Variants in CUX2 observed in about 807,000 individuals in gnomAD.
CUX2 encodes the protein cut like homeobox 2.
In CUX2, 40 loss-of-function variants were observed where a neutral mutation model predicts 144.8. That is an observed-to-expected ratio of 0.28 (90% CI 0.21 to 0.36). CUX2 has a LOEUF of 0.36. Among genes scored for constraint, CUX2 ranks in the 10% least tolerant of loss-of-function variants. The pLI, the probability that CUX2 is intolerant of heterozygous loss-of-function variation, is 1.00. For synonymous variants in CUX2, 827 were observed against 875.6 expected (o/e 0.94, Z 0.98); for missense variants, 1,615 against 1,994.0 (o/e 0.81, Z 3.62).
chr12:111,219,672 G>C (rs898347298), intron 3 of CUX2, among the ~76,000 whole-genome samples: 2 of 152,196 alleles, frequency 1.3e-5, no homozygotes, highest in African/African-American at 4.8e-5. Flanking sequence ...ATCTAATGCA[G>C]GGAAAGGGTT....
intron 18 of CUX2, among the ~76,000 whole-genome samples, chr12:111,329,394 T>C (rs764777663): frequency 6.6e-5 from 10 of 151,996 alleles, no homozygotes; most frequent in Non-Finnish European, 1.0e-4. Flanking sequence ...ACAGTCTTCC[T>C]GATAGAGATA....
intron 18 of CUX2, among the ~76,000 whole-genome samples, chr12:111,330,438 T>A (rs1888034036): frequency 1.3e-5 from 2 of 151,838 alleles, no homozygotes; most frequent in Admixed American, 1.3e-4. Flanking sequence ...TGCTGTGTGA[T>A]CTTGGACACG....
At chr12:111,060,453 C>G (rs1870717444) in intron 1 of CUX2, among the ~76,000 whole-genome samples, 1 of 152,242 alleles carries the variant, frequency 6.6e-6, no homozygotes, top group Non-Finnish European at 1.5e-5. Flanking sequence ...AGGGGGCTCC[C>G]CCATAATAAT....
At chr12:111,158,848 G>C (rs964575774) in intron 1 of CUX2, among the ~76,000 whole-genome samples, 17 of 152,230 alleles carry the variant, frequency 1.1e-4, no homozygotes, top group African/African-American at 3.8e-4. Flanking sequence ...GAAAAAAGCT[G>C]TCAAATCATG....
chr12:111,132,321 G>A (rs1195137112), intron 1 of CUX2, among the ~76,000 whole-genome samples: 1 of 152,152 alleles, frequency 6.6e-6, no homozygotes, highest in African/African-American at 2.4e-5. Flanking sequence ...CCTGGACCCA[G>A]CCCATGAAAT....
chr12:111,295,472 A>AG lies in CUX2; in HGVS notation c.637+67dup. ...GGAGGGGACGGTAATGCTGTCAACG[A>AG]GGGGTCACGGCTTGGGGTCTGCCAC... On this transcript the variant is annotated intron_variant, in intron 7 of 21. Coordinates refer to ENST00000261726, the MANE Select transcript of CUX2 (RefSeq NM_015267.4). The surrounding 1 kb of genome is among the most constrained non-coding windows in gnomAD (Gnocchi z 5.0). 7.0e-7 allele frequency: 1 copy of AG among 1,435,804 alleles called. No homozygotes were observed. Among genetic ancestry groups the AG allele is most frequent in the Non-Finnish European group, 9.6e-7 (1 of 1,044,580 alleles). 88.9% of individuals were successfully genotyped at this position (1,435,804 alleles called of 1,614,324 possible). A position where few individuals can be genotyped will look rare whatever the true frequency, so the allele number is the denominator to read the frequency against.
rs1870760081 is a variant in CUX2 at position 111,061,193 on chromosome 12, C to CACACACACACACAT, written c.63+26966_63+26967insTACACACACACACA. On this transcript the variant is annotated intron_variant, in intron 1 of 21. Transcript: ENST00000261726. The surrounding 1 kb of genome is among the most constrained non-coding windows in gnomAD (Gnocchi z 4.2). ...GCATGCATATGCACACACACACACACACACACACACACACACACACACAGC... is the reference window on the plus strand; with the variant it reads ...GCATGCATATGCACACACACACACACACACACACACACATACACACACACACACACACACACAGC... Among the ~76,000 whole-genome samples, 1 of 150,232 alleles carries CACACACACACACAT rather than the reference C, an allele frequency of 6.7e-6. No homozygotes were observed. The highest frequency in any genetic ancestry group is 2.5e-5 in the African/African-American group (1 of 40,044).
chr12:111,298,532 G>A lies in CUX2; in HGVS notation c.705-9G>A. The A allele has an allele frequency of 6.4e-7, 1 of 1,573,812 alleles. No homozygotes were observed. Among genetic ancestry groups the A allele is most frequent in the Non-Finnish European group, 8.6e-7 (1 of 1,159,140 alleles). On this transcript the variant is annotated splice_polypyrimidine_tract_variant and intron_variant, in intron 8 of 21. Coordinates refer to ENST00000261726, the MANE Select transcript of CUX2 (RefSeq NM_015267.4). ...AGCCCTTCCTCAGGGCCTCATCTTT[G>A]TGTCTCAGGGCAGATGAAGTCGGCC...
At chr12:111,099,831 C>T (rs989368914) in intron 1 of CUX2, 11 of 417,530 alleles carry the variant, frequency 2.6e-5, no homozygotes, top group African/African-American at 6.1e-5. Context: ...CCAGCGGGGC[C>T]GATGGGCAGC....
At chr12:111,196,328 T>A (rs1026657051) in intron 1 of CUX2, among the ~76,000 whole-genome samples, 5 of 152,264 alleles carry the variant, frequency 3.3e-5, no homozygotes, top group Admixed American at 1.3e-4. Flanking sequence ...TGCACGCAGA[T>A]CTTTGAACAC....
intron 1 of CUX2, among the ~76,000 whole-genome samples, chr12:111,050,170 C>G (rs1034873675): frequency 1.3e-5 from 2 of 152,050 alleles, no homozygotes; most frequent in African/African-American, 4.8e-5. Flanking sequence ...CACAGAGCCC[C>G]CTCTTGGCCC....
Position 111,341,705 on chromosome 12 carries a change from A to G in CUX2, c.3386-75A>G, listed in dbSNP as rs1888584722. 7 of 1,495,722 alleles carry G rather than the reference A, an allele frequency of 4.7e-6. No homozygotes were observed. The South Asian group carries it at 7.9e-5, about 17-fold the overall frequency. The allele number at this position is 1,495,722 out of a possible 1,614,324, so 92.7% of individuals were successfully genotyped here. On this transcript the variant is annotated intron_variant, in intron 20 of 21. Coordinates refer to ENST00000261726, the MANE Select transcript of CUX2 (RefSeq NM_015267.4). Reference sequence around the variant, plus strand: ...TGGGCCTGACAGATGCACTCCCACCATGGAACTCCTGCTGGCCAGGAACTT... The same window carrying G: ...TGGGCCTGACAGATGCACTCCCACCGTGGAACTCCTGCTGGCCAGGAACTT...
chr12:111,340,990 C>T (rs950751376), intron 20 of CUX2, among the ~76,000 whole-genome samples: 2 of 152,182 alleles, frequency 1.3e-5, no homozygotes, highest in East Asian at 1.9e-4. Context: ...ACCCTGTCTC[C>T]TTTGTTCGGT....
chr12:111,193,385 G>A (rs900270574), intron 1 of CUX2, among the ~76,000 whole-genome samples: 1 of 152,178 alleles, frequency 6.6e-6, no homozygotes, highest in Non-Finnish European at 1.5e-5. Context: ...CTTTAAACAC[G>A]CTGGTAATGG....
At chr12:111,094,857 T>C (rs997789102) in intron 1 of CUX2, among the ~76,000 whole-genome samples, 1 of 152,230 alleles carries the variant, frequency 6.6e-6, no homozygotes, top group African/African-American at 2.4e-5. Context: ...ATGTCTGTCT[T>C]GCTCATTGTG....
At chr12:111,127,254 C>T (rs1227743006) in intron 1 of CUX2, among the ~76,000 whole-genome samples, 1 of 152,244 alleles carries the variant, frequency 6.6e-6, no homozygotes, top group African/African-American at 2.4e-5. Flanking sequence ...CTTCGGCAAA[C>T]AACTCAACTG....
intron 1 of CUX2, among the ~76,000 whole-genome samples, chr12:111,165,030 A>G (rs1453844516): frequency 6.6e-6 from 1 of 152,204 alleles, no homozygotes; most frequent in Non-Finnish European, 1.5e-5. Context: ...TAGCATTTGA[A>G]CTGCTGGATC....
intron 1 of CUX2, among the ~76,000 whole-genome samples, chr12:111,115,437 C>G (rs554405637): frequency 6.6e-6 from 1 of 151,894 alleles, no homozygotes; most frequent in Admixed American, 6.6e-5. Flanking sequence ...AGGTGCCTGC[C>G]ACCATGCCCG....
At position 111,335,453 on chromosome 12, in the gene CUX2, G is replaced by A. The variant is rs560502529; in HGVS notation, c.3196+743G>A. On this transcript the variant is annotated intron_variant, in intron 19 of 21. Coordinates refer to ENST00000261726, the MANE Select transcript of CUX2 (RefSeq NM_015267.4). ...AAGCTGGGCCCGGTGCCTCACGCCT[G>A]TAACCTCAGCACTTTGGGAGGCCAA... Among the ~76,000 whole-genome samples the A allele has an allele frequency of 1.3e-3, 200 of 151,940 alleles. 2 individuals are homozygous for A. The highest frequency in any genetic ancestry group is 4.6e-3 in the African/African-American group (190 of 41,452).
Sources: allele counts gnomAD v4.1 joint callset (sites outside exome capture counted in the v4.1 genomes callset), GRCh38; gene constraint gnomAD v4.1.1; non-coding constraint Gnocchi (gnomAD v3.1); transcripts MANE v1.5; gene names NCBI Gene and HGNC (gene_info 2026-07-23, HGNC 2026-07-21).